PRPF8: variants seen among roughly 807,000 people sequenced by gnomAD.
PRPF8 encodes pre-mRNA-processing-splicing factor 8.
PRPF8 carries 64 observed loss-of-function variants against 285.9 expected under a neutral mutation model. The ratio of observed to expected loss-of-function variants is 0.22; its 90% CI spans 0.18 to 0.28. The LOEUF (loss-of-function observed/expected upper bound fraction) is 0.28, where lower values mean the gene tolerates loss of function less well. Ranked by LOEUF, PRPF8 falls within the 10% of genes least tolerant of loss-of-function variation. The pLI is 1.00. For missense variants in PRPF8, 1,426 were observed against 3,026.7 expected, an observed-to-expected ratio of 0.47 and a Z score of 12.41; for synonymous variants, 1,325 against 1,118.2, an observed-to-expected ratio of 1.18 and a Z score of -3.69.
chr17:1,652,335 T>G (rs1446332572), intron 39 of PRPF8, among the ~76,000 whole-genome samples: 3 of 151,904 alleles, frequency 2.0e-5, no homozygotes, highest in African/African-American at 7.3e-5. Context: ...GCCTCCTGGG[T>G]TCAAGCAATT....
rs201067158 is a variant in PRPF8 at position 1,673,315 on chromosome 17, G to A, written c.3657+42C>T. 4.2e-5 allele frequency: 68 copies of A among 1,610,136 alleles called. No individual in the cohort carries two copies. In the Admixed American group the frequency reaches 1.1e-3, roughly 26 times the overall value. ...GACTCCGGTGACTGACCCAGGAAGT[G>A]CAGGCGCGTTCATGTCACTCCCAGC... is the stretch of plus-strand genomic sequence containing the variant. On this transcript the variant is annotated intron_variant, in intron 23 of 42. Coordinates refer to ENST00000304992, the MANE Select transcript of PRPF8 (RefSeq NM_006445.4). This position sits in a 1 kb window ranked among gnomAD's most constrained non-coding sequence, Gnocchi z 5.5.
At chr17:1,655,905 G>A (rs1265560921) in intron 36 of PRPF8, among the ~76,000 whole-genome samples, 4 of 146,124 alleles carry the variant, frequency 2.7e-5, no homozygotes, top group Admixed American at 6.9e-5. Context: ...GATTACAGGC[G>A]TGAGCCACTG....
Position 1,683,699 on chromosome 17 carries a change from G to C in PRPF8, c.103C>G (p.Arg35Gly). 1 of 1,613,684 alleles carries C rather than the reference G, an allele frequency of 6.2e-7. No homozygotes were observed. The change falls in exon 3 of 43, where the codon CGA becomes GGA. Residue 35 changes from arginine (R) to glycine (G), a missense_variant and splice_region_variant. Arg to Gly is a moderately radical substitution (Grantham distance 125). Transcript: ENST00000304992. ...TTGGCCTGCAATTGCTGCCATTTTC[G>C]AGCTGGAAAGGCACCTCAGTTTAAA... is the stretch of plus-strand genomic sequence containing the variant. Reference protein sequence around the residue: ...MSEEKLQEKARKWQQLQAKRY... With the variant: ...MSEEKLQEKAGKWQQLQAKRY...
intron 24 of PRPF8, among the ~76,000 whole-genome samples, chr17:1,669,623 C>T (rs1912199058): frequency 6.6e-6 from 1 of 152,220 alleles, no homozygotes; most frequent in African/African-American, 2.4e-5. Context: ...GGCTTCCATC[C>T]CTACTATTTC....
At position 1,679,567 on chromosome 17, in the gene PRPF8, C is replaced by T. The variant is rs1461414121; in HGVS notation, c.1289+42G>A. The T allele has an allele frequency of 6.2e-7, 1 of 1,609,916 alleles. No homozygotes were observed. The highest frequency in any genetic ancestry group is 1.7e-5 in the Admixed American group (1 of 59,800). On this transcript the variant is annotated intron_variant, in intron 9 of 42. Transcript: ENST00000304992. This position sits in a 1 kb window ranked among gnomAD's most constrained non-coding sequence, Gnocchi z 4.7. The stretch of plus-strand genomic sequence containing the variant: ...CACCTAGTTGGAGTCTTTTCTCCTA[C>T]ACATCCACTATCATTCCCCCTGCCA...
rs1911502120 is a variant in PRPF8 at position 1,658,287 on chromosome 17, G to A, written c.5471C>T (p.Thr1824Met). 7.4e-6 allele frequency: 12 copies of A among 1,614,186 alleles called. No homozygotes were observed. The highest frequency in any genetic ancestry group is 1.0e-5 in the Non-Finnish European group (12 of 1,180,038). Residue 1824 changes from threonine (T) to methionine (M), a missense_variant, in exon 34 of 43, where the codon ACG (threonine) becomes ATG (methionine). Physicochemically the swap from Thr to Met is moderately conservative, Grantham distance 81. Around this residue, in one of 34 missense-constraint regions of PRPF8, gnomAD observed 19 missense variants for 92.8 expected, o/e 0.20. Coordinates refer to ENST00000304992, the MANE Select transcript of PRPF8 (RefSeq NM_006445.4). This position sits in a 1 kb window ranked among gnomAD's most constrained non-coding sequence, Gnocchi z 4.1. ...ACGCTTCTGTCCCGCCCACACGGAC[G>A]TGTGGATTATCTTGAGGAACAGCTG... ...TGQLFLKIIHTSVWAGQKRLG... is the reference protein window; with the variant it reads ...TGQLFLKIIHMSVWAGQKRLG...
chr17:1,677,978 G>A (rs541465014), intron 13 of PRPF8, among the ~76,000 whole-genome samples: 1 of 152,220 alleles, frequency 6.6e-6, no homozygotes, highest in East Asian at 1.9e-4. Context: ...TCCCTGGAAA[G>A]AGCCCTGTCT....
chr17:1,680,593 C>T (rs1912860449), intron 8 of PRPF8, 133 bp downstream of exon 8: 12 of 812,840 alleles, frequency 1.5e-5, no homozygotes, highest in East Asian at 2.6e-5. Context: ...TTCTCATATT[C>T]GCTTATAGCT....
At position 1,678,644 on chromosome 17, in the gene PRPF8, A is replaced by G; in HGVS notation, c.1728T>C (p.Asp576=). ...LGNVDAFQLA[D]GLQYIFAHVG... is the part of the protein sequence containing the mutation. ...CATGGGCAAATATATACTGCAATCC[A>G]TCTGCCAGCTGCAATACAATTGCCC... The change falls in exon 13 of 43, where the codon GAT becomes GAC. Residue 576 remains aspartate, a synonymous_variant. Coordinates refer to ENST00000304992, the MANE Select transcript of PRPF8 (RefSeq NM_006445.4). 6.2e-7 allele frequency: 1 copy of G among 1,614,192 alleles called. No individual in the cohort carries two copies. Among genetic ancestry groups the G allele is most frequent in the South Asian group, 1.1e-5 (1 of 91,090 alleles).
intron 24 of PRPF8, among the ~76,000 whole-genome samples, chr17:1,662,461 CG>C (rs1911717136): frequency 6.6e-6 from 1 of 151,504 alleles, no homozygotes; most frequent in African/African-American, 2.4e-5. Flanking sequence ...TGGTGGCAGA[CG>C]CCTGTAATCC....
chr17:1,656,469 T>C lies in PRPF8; in HGVS notation c.5716A>G (p.Ile1906Val). The change falls in exon 36 of 43, where the codon ATC becomes GTC. Residue 1906 changes from isoleucine to valine, a missense_variant. Ile to Val is a conservative substitution (Grantham distance 29, BLOSUM62 3). Around this residue, in one of 34 missense-constraint regions of PRPF8, gnomAD observed 29 missense variants for 86.4 expected, o/e 0.34. Coordinates refer to ENST00000304992, the MANE Select transcript of PRPF8 (RefSeq NM_006445.4). ...CLKVEKFGDL[I>V]LKATEPQMVL... is the part of the protein sequence containing the mutation. ...ATCTGGGGCTCAGTGGCTTTAAGGA[T>C]GAGATCCCCGAATTTTTCCACCTTG... 6.2e-7 allele frequency: 1 copy of C among 1,613,482 alleles called. No homozygotes were observed. Among genetic ancestry groups the C allele is most frequent in the Non-Finnish European group, 8.5e-7 (1 of 1,179,418 alleles).
rs956534154 is a variant in PRPF8 at position 1,667,795 on chromosome 17, G to A, written c.3774+5286C>T. On this transcript the variant is annotated intron_variant, in intron 24 of 42. Transcript: ENST00000304992. Reference sequence around the variant, plus strand: ...CTGACCTCGTGATCCACCTACCTCGGCCTCCCAAAGTGCTGGGATTACAGG... The same window carrying A: ...CTGACCTCGTGATCCACCTACCTCGACCTCCCAAAGTGCTGGGATTACAGG... Among the ~76,000 whole-genome samples the A allele has an allele frequency of 5.3e-5, 8 of 152,204 alleles. No homozygotes were observed. The South Asian group carries it at 1.7e-3, about 32-fold the overall frequency.
Position 1,679,456 on chromosome 17 carries a change from C to T in PRPF8, c.1290-46G>A. 4 of 1,611,346 alleles carry T rather than the reference C, an allele frequency of 2.5e-6. No individual in the cohort carries two copies. Among genetic ancestry groups the T allele is most frequent in the Non-Finnish European group, 3.4e-6 (4 of 1,179,916 alleles). On this transcript the variant is annotated intron_variant, in intron 9 of 42. Coordinates refer to ENST00000304992, the MANE Select transcript of PRPF8 (RefSeq NM_006445.4). This position sits in a 1 kb window ranked among gnomAD's most constrained non-coding sequence, Gnocchi z 4.7. ...GAGTTTGGCCATCTCTTCTTCCAGA[C>T]ACTCTGCTAAAGGCTGCAAGCCTTG...
At chr17:1,681,131 T>C (rs1395334592) in intron 6 of PRPF8, 77 bp from the exon 7 acceptor site, 1 of 1,464,658 alleles carries the variant, frequency 6.8e-7, no homozygotes, top group Admixed American at 1.7e-5. Context: ...CAAGCTGGAA[T>C]GCAATGGCAT....
At position 1,658,359 on chromosome 17, in the gene PRPF8, G is replaced by T; in HGVS notation, c.5399C>A (p.Thr1800Asn). The change falls in exon 34 of 43, where the codon ACC (threonine) becomes AAC (asparagine). Residue 1800 changes from threonine (T) to asparagine (N), a missense_variant. This residue lies in a region of PRPF8 where 19 missense variants were observed against 92.8 expected (regional missense o/e 0.20). Coordinates refer to ENST00000304992, the MANE Select transcript of PRPF8 (RefSeq NM_006445.4). This position sits in a 1 kb window ranked among gnomAD's most constrained non-coding sequence, Gnocchi z 4.1. ...IHKTFEGNLT[T>N]KPINGAIFIF... ...GAAGATGGCTCCGTTGATGGGCTTGGTTGTCAAGTTCCCTTCAAAGGTCTA... is the reference window on the plus strand; with the variant it reads ...GAAGATGGCTCCGTTGATGGGCTTGTTTGTCAAGTTCCCTTCAAAGGTCTA... 1 of 1,614,186 alleles carries T rather than the reference G, an allele frequency of 6.2e-7. No homozygotes were observed. The highest frequency in any genetic ancestry group is 8.5e-7 in the Non-Finnish European group (1 of 1,180,046).
At position 1,676,927 on chromosome 17, in the gene PRPF8, A is replaced by C. The variant is rs371722906; in HGVS notation, c.2181+49T>G. ...TAATGATTCCCGAAGTGGTAATCCT[A>C]CCCTAAAGACGGATGTTTACGCCTC... On this transcript the variant is annotated intron_variant, in intron 15 of 42. Coordinates refer to ENST00000304992, the MANE Select transcript of PRPF8 (RefSeq NM_006445.4). The surrounding 1 kb of genome is among the most constrained non-coding windows in gnomAD (Gnocchi z 6.3). 6 of 1,602,230 alleles carry C rather than the reference A, an allele frequency of 3.7e-6. No homozygotes were observed. The African/African-American group carries it at 8.0e-5, about 21-fold the overall frequency.
At chr17:1,667,538 C>CTTTTTTT (rs34888623) in intron 24 of PRPF8, among the ~76,000 whole-genome samples, 17 of 102,046 alleles carry the variant, frequency 1.7e-4, no homozygotes, top group Admixed American at 4.3e-4. Context: ...CATGACATAG[C>CTTTTTTT]TTTTTTTTTT....
chr17:1,676,987 T>C lies in PRPF8; in HGVS notation c.2170A>G (p.Ile724Val), dbSNP rs1203098107. Residue 724 changes from isoleucine (I) to valine (V), a missense_variant, in exon 15 of 43, where the codon ATT becomes GTT. Physicochemically the swap from Ile to Val is conservative, Grantham distance 29 (BLOSUM62 3). Around this residue, in one of 34 missense-constraint regions of PRPF8, gnomAD observed 30 missense variants for 61.0 expected, o/e 0.49. Coordinates refer to ENST00000304992, the MANE Select transcript of PRPF8 (RefSeq NM_006445.4). The surrounding 1 kb of genome is among the most constrained non-coding windows in gnomAD (Gnocchi z 6.3). Reference sequence around the variant, plus strand: ...AAAGAGACACCCACCTTCCAGGGAATGTTGGCTTTCCAGCAGCGCCAGGCT... The same window carrying C: ...AAAGAGACACCCACCTTCCAGGGAACGTTGGCTTTCCAGCAGCGCCAGGCT... ...SEAWRCWKAN[I>V]PWKVPGLPTP... 9 of 1,613,816 alleles carry C rather than the reference T, an allele frequency of 5.6e-6. No homozygotes were observed. The highest frequency in any genetic ancestry group is 2.2e-5 in the South Asian group (2 of 91,084).
chr17:1,679,619 C>CA lies in PRPF8; in HGVS notation c.1278dup (p.Val427CysfsTer26). 6.2e-7 allele frequency: 1 copy of CA among 1,613,516 alleles called. No individual in the cohort carries two copies. Among genetic ancestry groups the CA allele is most frequent in the South Asian group, 1.1e-5 (1 of 91,046 alleles). On this transcript the variant is annotated frameshift_variant, in exon 9 of 43. Transcript: ENST00000304992. LOFTEE classifies it high-confidence loss of function. This position sits in a 1 kb window ranked among gnomAD's most constrained non-coding sequence, Gnocchi z 4.7. ...AGGGAAAAACCTTACCAGTTCTTGACAAGGGGTATGTCCAGGGCCCGACGG... is the reference window on the plus strand; with the variant it reads ...AGGGAAAAACCTTACCAGTTCTTGACAAAGGGGTATGTCCAGGGCCCGACGG...
Sources: allele counts gnomAD v4.1 joint callset (sites outside exome capture counted in the v4.1 genomes callset), GRCh38; gene constraint gnomAD v4.1.1; regional missense constraint gnomAD v4.1.1; non-coding constraint Gnocchi (gnomAD v3.1); transcripts MANE v1.5; gene names NCBI Gene and HGNC (gene_info 2026-07-23, HGNC 2026-07-21).